ADAM9: variants seen among roughly 807,000 people sequenced by gnomAD.
ADAM9 encodes the protein disintegrin and metalloproteinase domain-containing protein 9.
A neutral mutation model predicts 108.1 loss-of-function variants in ADAM9; 54 were observed. That is an observed-to-expected ratio of 0.50 (90% confidence interval 0.40 to 0.63). The LOEUF (loss-of-function observed/expected upper bound fraction) is 0.63. Among genes scored for constraint, ADAM9 ranks in the 20% least tolerant of loss-of-function variants. The pLI, the probability that ADAM9 is intolerant of heterozygous loss-of-function variation, is 0.00. For synonymous variants in ADAM9, 316 were observed against 336.0 expected (o/e 0.94, Z 0.65); for missense variants, 830 against 997.7 (o/e 0.83, Z 2.26).
intron 1 of ADAM9, among the ~76,000 whole-genome samples, chr8:38,999,388 C>T (rs935129814): frequency 8.6e-5 from 13 of 150,320 alleles, no homozygotes; most frequent in African/African-American, 2.9e-4. Context: ...TAAGCGGAAT[C>T]AGGTATGAAA....
rs1240638393 is a variant in ADAM9 at position 39,023,225 on chromosome 8, A to C, written c.814A>C (p.Asn272His). The C allele has an allele frequency of 6.2e-7, 1 of 1,613,790 alleles. No homozygotes were observed. Among genetic ancestry groups the C allele is most frequent in the Non-Finnish European group, 8.5e-7 (1 of 1,179,922 alleles). Reference protein sequence around the residue: ...LEIWTNGNLINIVGGAGDVLG... With the variant: ...LEIWTNGNLIHIVGGAGDVLG... Reference sequence around the variant, plus strand: ...GATTTGGACCAATGGAAACCTGATCAACATAGTTGGGGGTGCTGGTGATGT... The same window carrying C: ...GATTTGGACCAATGGAAACCTGATCCACATAGTTGGGGGTGCTGGTGATGT... The change falls in exon 9 of 22, where the codon AAC becomes CAC. Residue 272 changes from asparagine to histidine, a missense_variant. By Grantham distance (68) the Asn-to-His change is moderately conservative. Transcript: ENST00000487273.
chr8:39,093,780 T>C (rs1588432886), intron 20 of ADAM9, among the ~76,000 whole-genome samples: 1 of 152,182 alleles, frequency 6.6e-6, no homozygotes, highest in Non-Finnish European at 1.5e-5. Context: ...TTCTTTTTCT[T>C]TGTTTTTGAG....
At chr8:39,090,024 T>G in intron 18 of ADAM9, 23 bp from the exon 19 acceptor site, 5 of 1,613,044 alleles carry the variant, frequency 3.1e-6, no homozygotes, top group Non-Finnish European at 4.2e-6. Flanking sequence ...TGGTGACTGT[T>G]GATGTAAAAT....
In ADAM9 at chr8:39,090,049, A is replaced by C. The variant is rs972542655; in HGVS notation, c.2071A>C (p.Met691Leu). The C allele has an allele frequency of 6.2e-7, 1 of 1,613,876 alleles. No homozygotes were observed. Among genetic ancestry groups the C allele is most frequent in the Non-Finnish European group, 8.5e-7 (1 of 1,179,898 alleles). The change falls in exon 19 of 22, where the codon ATG (methionine) becomes CTG (leucine). Residue 691 changes from methionine (M) to leucine (L), a missense_variant and splice_region_variant. This residue lies in a region of ADAM9 where 238 missense variants were observed against 235.7 expected (regional missense o/e 1.01). Coordinates refer to ENST00000487273, the MANE Select transcript of ADAM9 (RefSeq NM_003816.3). ...SVDSGPTYNEMNTALRDGLLV... is the reference protein window; with the variant it reads ...SVDSGPTYNELNTALRDGLLV... ...TGATGTAAAATTCTTCTCTCTAGAA[A>C]TGAATACTGCATTGAGGGACGGACT...
intron 1 of ADAM9, among the ~76,000 whole-genome samples, chr8:39,004,807 C>T (rs150403345): frequency 5.3e-5 from 8 of 152,280 alleles, no homozygotes; most frequent in Admixed American, 4.6e-4. Context: ...GTGGGAGTGT[C>T]TTTTAGCATG....
intron 6 of ADAM9, among the ~76,000 whole-genome samples, chr8:39,018,174 T>C (rs985331954): frequency 3.3e-4 from 51 of 152,288 alleles, no homozygotes; most frequent in African/African-American, 1.2e-3. Flanking sequence ...TTTCTACATA[T>C]GAGATTCTGT....
intron 10 of ADAM9, among the ~76,000 whole-genome samples, chr8:39,026,436 T>C (rs1328529412): frequency 6.6e-6 from 1 of 152,226 alleles, no homozygotes; most frequent in East Asian, 1.9e-4. Flanking sequence ...CTACCATAAG[T>C]AATCTGTTGG....
chr8:39,022,097 T>TGTGTGAGAGA (rs1356591377), intron 8 of ADAM9, among the ~76,000 whole-genome samples: 9 of 136,214 alleles, frequency 6.6e-5, no homozygotes, highest in African/African-American at 2.8e-4. Flanking sequence ...TGTGTGTGTG[T>TGTGTGAGAGA]GAGAGAGAGA....
intron 12 of ADAM9, among the ~76,000 whole-genome samples, chr8:39,046,271 A>G (rs1837770859): frequency 1.3e-5 from 2 of 151,912 alleles, no homozygotes; most frequent in Non-Finnish European, 2.9e-5. Flanking sequence ...TTTGTAGTTC[A>G]TTGTTAGTAT....
intron 7 of ADAM9, among the ~76,000 whole-genome samples, chr8:39,020,441 C>G (rs1427450883): frequency 6.6e-6 from 1 of 152,014 alleles, no homozygotes; most frequent in Admixed American, 6.6e-5. Flanking sequence ...CTGATAAAAT[C>G]TGATATATTC....
chr8:39,086,093 C>T (rs1256942997), intron 18 of ADAM9, among the ~76,000 whole-genome samples: 1 of 152,040 alleles, frequency 6.6e-6, no homozygotes, highest in South Asian at 2.1e-4. Context: ...TGGCTCATGG[C>T]AATCTCTGCC....
rs1212240854 is a variant in ADAM9, at chr8:39,104,339, C to G, written c.*639C>G. On this transcript the variant is annotated 3_prime_UTR_variant, in exon 22 of 22. Coordinates refer to ENST00000487273, the MANE Select transcript of ADAM9 (RefSeq NM_003816.3). ...GTGTGTGTGTATTCACGCAGTTACT[C>G]GCTTCCATTTTTATGACCTTTCAAC... is the stretch of plus-strand genomic sequence containing the variant. 1 of 451,638 alleles carries G rather than the reference C, an allele frequency of 2.2e-6. No individual in the cohort carries two copies. Among genetic ancestry groups the G allele is most frequent in the South Asian group, 1.6e-5 (1 of 64,058 alleles). 28.0% of individuals were successfully genotyped at this position (451,638 alleles called of 1,614,324 possible).
At chr8:39,035,749 A>G (rs1457461875) in intron 11 of ADAM9, among the ~76,000 whole-genome samples, 2 of 152,146 alleles carry the variant, frequency 1.3e-5, no homozygotes, top group East Asian at 1.9e-4. Flanking sequence ...CCCGGGAGGC[A>G]GAGCTTGCAG....
Position 39,017,285 on chromosome 8 carries a change from G to A in ADAM9, c.477G>A (p.Glu159=). 6.2e-7 allele frequency: 1 copy of A among 1,614,124 alleles called. No homozygotes were observed. Among genetic ancestry groups the A allele is most frequent in the Non-Finnish European group, 8.5e-7 (1 of 1,180,028 alleles). ...IEPLQNSSHF[E]HIIYRMDDVY... ...CCCTGCAGAACAGCTCTCATTTTGA[G>A]CACATCATTTATCGAATGGATGATG... Residue 159 remains glutamate (E), a synonymous_variant, in exon 6 of 22, where the codon GAG becomes GAA. Transcript: ENST00000487273.
At chr8:39,014,279 A>G (rs1836454849) in intron 4 of ADAM9, 4 of 567,838 alleles carry the variant, frequency 7.0e-6, no homozygotes, top group South Asian at 2.5e-5. Flanking sequence ...AGGAAAATAA[A>G]TCTTCTATTT....
chr8:39,077,189 G>T (rs753578483), intron 15 of ADAM9, 39 bp from the exon 16 acceptor site: 1 of 1,606,894 alleles, frequency 6.2e-7, no homozygotes, highest in Admixed American at 1.7e-5. Flanking sequence ...TATGTATACT[G>T]GATGCATTTT....
intron 11 of ADAM9, among the ~76,000 whole-genome samples, chr8:39,030,709 C>T (rs1426431739): frequency 6.6e-6 from 1 of 152,174 alleles, no homozygotes; most frequent in Non-Finnish European, 1.5e-5. Context: ...TTTTGTATTC[C>T]CACCAACAGT....
intron 1 of ADAM9, among the ~76,000 whole-genome samples, chr8:39,000,382 T>C (rs1835959125): frequency 6.6e-6 from 1 of 152,180 alleles, no homozygotes; most frequent in Admixed American, 6.5e-5. Flanking sequence ...TATTGTAGTT[T>C]ATTTTCCATT....
rs71552833 is a variant in ADAM9, at chr8:39,092,331, T to TACACACAC, written c.2298+1003_2298+1010dup. 3.5e-3 allele frequency among the ~76,000 whole-genome samples: 522 copies of TACACACAC among 148,792 alleles called. 2 individuals are homozygous for TACACACAC. Among genetic ancestry groups the TACACACAC allele is most frequent in the African/African-American group, 0.011 (461 of 40,524 alleles). ...AATCCTTCATTTTTTAATATATTTATACACACACACACACACACACACACA... is the reference window on the plus strand; with the variant it reads ...AATCCTTCATTTTTTAATATATTTATACACACACACACACACACACACACACACACACA... On this transcript the variant is annotated intron_variant, in intron 20 of 21. Transcript: ENST00000487273.
Sources: allele counts gnomAD v4.1 joint callset (sites outside exome capture counted in the v4.1 genomes callset), GRCh38; gene constraint gnomAD v4.1.1; regional missense constraint gnomAD v4.1.1; transcripts MANE v1.5; gene names NCBI Gene and HGNC (gene_info 2026-07-23, HGNC 2026-07-21).